Variants in SEC23A observed in about 807,000 individuals in gnomAD.
The protein encoded by SEC23A is protein transport protein Sec23A.
In SEC23A, 56 loss-of-function variants were observed where a neutral mutation model predicts 103.7. That is an observed-to-expected ratio of 0.54 (90% CI 0.44 to 0.67). SEC23A has a LOEUF of 0.67. Ranked by LOEUF, SEC23A falls within the 30% of genes least tolerant of loss-of-function variation. The pLI is 0.00. For missense variants in SEC23A, 784 were observed against 936.4 expected (o/e 0.84, Z 2.12); for synonymous variants, 281 against 293.0 (o/e 0.96, Z 0.42).
intron 17 of SEC23A, chr14:39,041,409 C>CAAAAAAAAAAAAAA (rs56911438): frequency 2.0e-4 from 3 of 14,640 alleles, no homozygotes; most frequent in East Asian, 3.2e-3. Context: ...AAAGAAAAAG[C>CAAAAAAAAAAAAAA]AAAAAAAAAA....
chr14:39,050,703 T>C (rs1289463451), intron 14 of SEC23A, among the ~76,000 whole-genome samples: 2 of 152,088 alleles, frequency 1.3e-5, no homozygotes, highest in African/African-American at 4.8e-5. Context: ...CTGTAGTTCC[T>C]GCTCCTTGGG....
At chr14:39,051,820 C>G (rs914299912) in intron 14 of SEC23A, among the ~76,000 whole-genome samples, 1 of 151,750 alleles carries the variant, frequency 6.6e-6, no homozygotes. Flanking sequence ...AAAAAAAAAT[C>G]ACCTGGGTGT....
At chr14:39,063,090 G>C (rs914580056) in intron 12 of SEC23A, among the ~76,000 whole-genome samples, 3 of 152,122 alleles carry the variant, frequency 2.0e-5, no homozygotes, top group African/African-American at 7.2e-5. Context: ...TAAAAGTTGG[G>C]CTACCCAAGG....
At chr14:39,091,058 C>T in intron 5 of SEC23A, 1 of 408,844 alleles carries the variant, frequency 2.4e-6, no homozygotes, top group South Asian at 2.0e-5. Context: ...AAAGAAGAAC[C>T]TGAGGAGTAT....
chr14:39,094,912 A>G, intron 2 of SEC23A: 1 of 669,414 alleles, frequency 1.5e-6, no homozygotes, highest in Non-Finnish European at 2.7e-6. Context: ...AGATCTTGAT[A>G]AGGAGTTTGT....
intron 5 of SEC23A, among the ~76,000 whole-genome samples, chr14:39,090,073 T>A (rs1887603494): frequency 6.6e-6 from 1 of 152,188 alleles, no homozygotes; most frequent in Non-Finnish European, 1.5e-5. Context: ...ATTCCCCTAG[T>A]ATGTTCTCTT....
chr14:39,077,831 G>T (rs1887091809), intron 7 of SEC23A, among the ~76,000 whole-genome samples: 1 of 152,050 alleles, frequency 6.6e-6, no homozygotes, highest in Non-Finnish European at 1.5e-5. Context: ...TTCTTGGGAG[G>T]CTGAGGCAAG....
chr14:39,045,301 A>C lies in SEC23A; in HGVS notation c.1761T>G (p.Ser587=). The C allele has an allele frequency of 1.2e-6, 2 of 1,609,606 alleles. No homozygotes were observed. Among genetic ancestry groups the C allele is most frequent in the Middle Eastern group, 1.7e-4 (1 of 6,056 alleles). ...YPQFMFHLRR[S]SFLQVFNNSP... ...TATTGTTAAAAACTTGCAGGAAAGA[A>C]GATCTTCTTAAATGAAACATAAACT... The change falls in exon 16 of 20, where the codon TCT becomes TCG. Residue 587 remains serine, a synonymous_variant. Transcript: ENST00000307712.
intron 13 of SEC23A, 105 bp from the exon 14 acceptor site, chr14:39,055,401 A>C: frequency 8.1e-7 from 1 of 1,241,136 alleles, no homozygotes; most frequent in Non-Finnish European, 1.1e-6. Context: ...AGATACAGAA[A>C]CTACTAGGAT....
At chr14:39,058,116 A>G (rs1886309930) in intron 13 of SEC23A, among the ~76,000 whole-genome samples, 1 of 152,124 alleles carries the variant, frequency 6.6e-6, no homozygotes, top group Admixed American at 6.5e-5. Context: ...CCAGCAATAC[A>G]TTTTATCTGT....
At chr14:39,063,077 G>A (rs919254571) in intron 12 of SEC23A, among the ~76,000 whole-genome samples, 2 of 152,130 alleles carry the variant, frequency 1.3e-5, no homozygotes, top group Non-Finnish European at 2.9e-5. Context: ...AAAGAAAACA[G>A]ACTAAAAGTT....
chr14:39,058,332 G>A (rs900754009), intron 13 of SEC23A, among the ~76,000 whole-genome samples: 6 of 149,382 alleles, frequency 4.0e-5, no homozygotes, highest in African/African-American at 7.4e-5. Context: ...ACGGAGTCTC[G>A]CTCTGTCGCC....
In SEC23A at chr14:39,096,013, C is replaced by G; in HGVS notation, c.106G>C (p.Val36Leu). Residue 36 changes from valine (V) to leucine (L), a missense_variant, in exon 2 of 20, where the codon GTT becomes CTT. Around this residue, in one of 2 missense-constraint regions of SEC23A, gnomAD observed 683 missense variants for 774.2 expected, o/e 0.88. Coordinates refer to ENST00000307712, the MANE Select transcript of SEC23A (RefSeq NM_006364.4). ...GGTGTAAACAGGGCTGCCACAGGAA[C>G]AACCATTCTTGTAGCTTCCAGTCGA... ...SSRLEATRMV[V>L]PVAALFTPLK... The G allele has an allele frequency of 6.2e-7, 1 of 1,613,912 alleles. No individual in the cohort carries two copies. The highest frequency in any genetic ancestry group is 8.5e-7 in the Non-Finnish European group (1 of 1,179,790).
chr14:39,101,348 G>A (rs960983299), intron 1 of SEC23A, among the ~76,000 whole-genome samples: 7 of 151,510 alleles, frequency 4.6e-5, no homozygotes, highest in Non-Finnish European at 7.4e-5. Context: ...GGCCGGGCGC[G>A]GTGGCTCACA....
At chr14:39,062,696 A>C (rs918781371) in intron 12 of SEC23A, among the ~76,000 whole-genome samples, 2 of 152,118 alleles carry the variant, frequency 1.3e-5, no homozygotes, top group African/African-American at 4.8e-5. Context: ...AATAAGAGTC[A>C]ATATATTTCT....
At chr14:39,087,242 C>G (rs747269613) in intron 5 of SEC23A, among the ~76,000 whole-genome samples, 11 of 152,088 alleles carry the variant, frequency 7.2e-5, no homozygotes, top group Non-Finnish European at 1.5e-4. Context: ...AAAGAGGAGG[C>G]ATATTAGCTC....
At chr14:39,092,766 C>T in intron 3 of SEC23A, 139 bp from the exon 4 acceptor site, 5 of 608,476 alleles carry the variant, frequency 8.2e-6, no homozygotes, top group Admixed American at 3.2e-5. Flanking sequence ...TTATTTGTAT[C>T]TTTTTTTAAA....
chr14:39,092,593 T>C lies in SEC23A; in HGVS notation c.314A>G (p.Asn105Ser), dbSNP rs2139289276. ...PPSYAGISELNQPAELLPQFS... is the reference protein window; with the variant it reads ...PPSYAGISELSQPAELLPQFS... ...CTGAGGTAAAAGTTCAGCAGGCTGA[T>C]TCAGTTCAGATATACCAGCATAACT... is the stretch of plus-strand genomic sequence containing the variant. The change falls in exon 4 of 20, where the codon AAT becomes AGT. Residue 105 changes from asparagine (N) to serine (S), a missense_variant. Transcript: ENST00000307712. The C allele has an allele frequency of 6.2e-7, 1 of 1,612,018 alleles. No homozygotes were observed. The highest frequency in any genetic ancestry group is 8.5e-7 in the Non-Finnish European group (1 of 1,178,720).
chr14:39,043,057 G>A (rs778203643), intron 16 of SEC23A, among the ~76,000 whole-genome samples, 185 bp from the exon 17 acceptor site: 7 of 152,030 alleles, frequency 4.6e-5, no homozygotes, highest in Non-Finnish European at 8.8e-5. Context: ...GCTCACTGCA[G>A]CCTCAAACTC....
Sources: gnomAD v4.1 joint callset for allele counts (sites outside exome capture counted in the v4.1 genomes callset) on GRCh38, gnomAD v4.1.1 for gene constraint, gnomAD v4.1.1 regional missense constraint, MANE v1.5 for transcripts, NCBI Gene and HGNC (gene_info 2026-07-23, HGNC 2026-07-21) for gene names.